Variants in MTPAP observed in about 807,000 individuals in gnomAD.
MTPAP encodes mitochondrial poly(A) polymerase, also known as poly(A) RNA polymerase, mitochondrial.
A neutral mutation model predicts 48.7 loss-of-function variants in MTPAP; 23 were observed. That is an observed-to-expected ratio of 0.47 (90% confidence interval 0.34 to 0.67). MTPAP has a LOEUF of 0.67. Among genes scored for constraint, MTPAP ranks in the 30% least tolerant of loss-of-function variants. The pLI, the probability that MTPAP is intolerant of heterozygous loss-of-function variation, is 0.01. For missense variants in MTPAP, 614 were observed against 694.3 expected, an observed-to-expected ratio of 0.88 and a Z score of 1.30; for synonymous variants, 257 against 254.1, an observed-to-expected ratio of 1.01 and a Z score of -0.11.
In MTPAP at chr10:30,341,196, T is replaced by C. The variant is rs558044595; in HGVS notation, c.330+272A>G. On this transcript the variant is annotated intron_variant, in intron 2 of 8. Transcript: ENST00000263063. ...TGCCAACAGCCACTGCACTCCAGCA[T>C]AGGCCACATAGTTGGACCCCGTCTC... 3.7e-3 allele frequency among the ~76,000 whole-genome samples: 558 copies of C among 152,316 alleles called. 1 individual carries two copies. The highest frequency in any genetic ancestry group is 0.013 in the African/African-American group (532 of 41,572).
At chr10:30,318,969 C>T (rs1272827421) in intron 6 of MTPAP, among the ~76,000 whole-genome samples, 6 of 151,650 alleles carry the variant, frequency 4.0e-5, no homozygotes, top group Non-Finnish European at 8.8e-5. Flanking sequence ...GCAGAGAGGA[C>T]AGCAAGAAAA....
At chr10:30,314,006 G>C (rs1840633075) in intron 8 of MTPAP, 35 bp from the exon 9 acceptor site, 2 of 1,601,688 alleles carry the variant, frequency 1.2e-6, no homozygotes, top group Non-Finnish European at 1.7e-6. Flanking sequence ...AAATGAGTAA[G>C]TACATGAAGG....
chr10:30,349,163 T>G lies in MTPAP; in HGVS notation c.113A>C (p.Lys38Thr), dbSNP rs761992983. 1 of 1,613,154 alleles carries G rather than the reference T, an allele frequency of 6.2e-7. No individual in the cohort carries two copies. The highest frequency in any genetic ancestry group is 1.3e-5 in the African/African-American group (1 of 74,738). The change falls in exon 1 of 9, where the codon AAA (lysine) becomes ACA (threonine). Residue 38 changes from lysine (K) to threonine (T), a missense_variant. This residue lies in a region of MTPAP where 125 missense variants were observed against 111.5 expected (regional missense o/e 1.12). Transcript: ENST00000263063. ...AGGCTGCTCGTCTCTCCTAAGGTCTTTGGCCACAGTTCCTGGGCAACTCAA... is the reference window on the plus strand; with the variant it reads ...AGGCTGCTCGTCTCTCCTAAGGTCTGTGGCCACAGTTCCTGGGCAACTCAA... ...RLLSCPGTVA[K>T]DLRRDEQPSG...
rs759555857 is a variant in MTPAP at position 30,336,925 on chromosome 10, C to T, written c.658G>A (p.Ala220Thr). The T allele has an allele frequency of 1.9e-5, 31 of 1,613,204 alleles. No homozygotes were observed. Among genetic ancestry groups the T allele is most frequent in the Middle Eastern group, 1.8e-4 (1 of 5,538 alleles). The change falls in exon 4 of 9, where the codon GCG (alanine) becomes ACG (threonine). Residue 220 changes from alanine (A) to threonine (T), a missense_variant. By Grantham distance (58) the Ala-to-Thr change is moderately conservative. Coordinates refer to ENST00000263063, the MANE Select transcript of MTPAP (RefSeq NM_018109.4). ...CTGACTATGCAGTCTGGAAAATACG[C>T]GGCGGCCATGTCTTCAATAAGAGAA... ...TCSLIEDMAA[A>T]YFPDCIVRPF...
intron 1 of MTPAP, among the ~76,000 whole-genome samples, chr10:30,347,092 T>TA (rs770827289): frequency 1.3e-5 from 2 of 152,240 alleles, no homozygotes; most frequent in Non-Finnish European, 2.9e-5. Flanking sequence ...TATTTTGAGT[T>TA]AGTTTCTGTT....
intron 1 of MTPAP, among the ~76,000 whole-genome samples, chr10:30,347,439 T>G (rs1834886135): frequency 6.6e-6 from 1 of 152,252 alleles, no homozygotes; most frequent in Non-Finnish European, 1.5e-5. Flanking sequence ...CTGTCCTTCT[T>G]TAAAATGGTA....
chr10:30,325,926 C>T (rs1039688501), intron 5 of MTPAP, among the ~76,000 whole-genome samples: 1 of 152,038 alleles, frequency 6.6e-6, no homozygotes, highest in African/African-American at 2.4e-5. Context: ...CTTCCAACCA[C>T]TTTTGGACCT....
At chr10:30,337,150 C>T (rs977952360) in intron 3 of MTPAP, 123 bp from the exon 4 acceptor site, 15 of 871,238 alleles carry the variant, frequency 1.7e-5, no homozygotes, top group Non-Finnish European at 2.6e-5. Context: ...CAAAGCCTGG[C>T]GCAGTGGCTC....
chr10:30,343,969 C>T (rs1834841224), intron 1 of MTPAP, among the ~76,000 whole-genome samples: 1 of 152,250 alleles, frequency 6.6e-6, no homozygotes, highest in Non-Finnish European at 1.5e-5. Flanking sequence ...TAATCTGACT[C>T]CTAAACTAGT....
chr10:30,343,283 G>A (rs935174000), intron 1 of MTPAP, among the ~76,000 whole-genome samples: 8 of 151,742 alleles, frequency 5.3e-5, no homozygotes, highest in Non-Finnish European at 1.0e-4. Flanking sequence ...GCGTGGTGTC[G>A]TGTGTCTGCA....
Position 30,316,223 on chromosome 10 carries a change from CA to C in MTPAP, c.1220-14del. 2 of 1,579,230 alleles carry C rather than the reference CA, an allele frequency of 1.3e-6. No homozygotes were observed. Among genetic ancestry groups the C allele is most frequent in the Non-Finnish European group, 1.7e-6 (2 of 1,158,762 alleles). On this transcript the variant is annotated splice_polypyrimidine_tract_variant and intron_variant, in intron 6 of 8. Transcript: ENST00000263063. ...TTATCTTCTGCATCTTAAACACAAA[CA>C]AAAAATATTTCACGTGTTTTTTTTT...
chr10:30,348,942 G>T, intron 1 of MTPAP, 177 bp downstream of exon 1: 1 of 824,430 alleles, frequency 1.2e-6, no homozygotes, highest in Non-Finnish European at 1.9e-6. Flanking sequence ...TTCTGCCTCA[G>T]CAACGGCGGC....
rs757320957 is a variant in MTPAP at position 30,326,465 on chromosome 10, G to A, written c.951C>T (p.His317=). 1.9e-6 allele frequency: 3 copies of A among 1,614,076 alleles called. No individual in the cohort carries two copies. Among genetic ancestry groups the A allele is most frequent in the Non-Finnish European group, 1.7e-6 (2 of 1,180,030 alleles). Residue 317 remains histidine (H), a synonymous_variant, in exon 5 of 9, where the codon CAC becomes CAT. Transcript: ENST00000263063. The part of the protein sequence containing the change: ...NARCPLVRFS[H]QASGFQCDLT... ...AATCACACTGAAATCCGGAGGCCTG[G>A]TGTGAGAACCTCACGAGCGGACACC...
chr10:30,314,160 T>C (rs1363053700), intron 8 of MTPAP, among the ~76,000 whole-genome samples, 189 bp from the exon 9 acceptor site: 2 of 152,148 alleles, frequency 1.3e-5, no homozygotes, highest in African/African-American at 4.8e-5. Flanking sequence ...TTTTGTTTTT[T>C]TTTTCCCTGT....
chr10:30,341,437 C>T (rs1834805514), intron 2 of MTPAP, 31 bp downstream of exon 2: 5 of 1,601,884 alleles, frequency 3.1e-6, no homozygotes, highest in Non-Finnish European at 1.7e-6. Flanking sequence ...AAAGCATAAA[C>T]GTTAAGTTAG....
At chr10:30,333,644 G>C (rs1383411245) in intron 4 of MTPAP, among the ~76,000 whole-genome samples, 1 of 152,160 alleles carries the variant, frequency 6.6e-6, no homozygotes, top group Non-Finnish European at 1.5e-5. Flanking sequence ...GGTGGCTTAC[G>C]CTTGTAATCC....
At chr10:30,320,911 T>C (rs1472600818) in intron 6 of MTPAP, among the ~76,000 whole-genome samples, 1 of 152,122 alleles carries the variant, frequency 6.6e-6, no homozygotes, top group Non-Finnish European at 1.5e-5. Flanking sequence ...TCTATGAGAG[T>C]AGCATTAAGC....
chr10:30,314,121 A>G, intron 8 of MTPAP, 150 bp from the exon 9 acceptor site: 1 of 931,274 alleles, frequency 1.1e-6, no homozygotes, highest in Non-Finnish European at 1.6e-6. Context: ...TTGAGTATGT[A>G]TGCATGGTGG....
chr10:30,325,303 T>C (rs1316243844), intron 5 of MTPAP, among the ~76,000 whole-genome samples: 1 of 152,210 alleles, frequency 6.6e-6, no homozygotes, highest in Non-Finnish European at 1.5e-5. Flanking sequence ...TATGATTGGC[T>C]TGTGGGTGAA....
Sources: gnomAD v4.1 joint callset for allele counts (sites outside exome capture counted in the v4.1 genomes callset) on GRCh38, gnomAD v4.1.1 for gene constraint, gnomAD v4.1.1 regional missense constraint, MANE v1.5 for transcripts, NCBI Gene and HGNC (gene_info 2026-07-23, HGNC 2026-07-21) for gene names.